Variants in CTNNA3 observed in about 807,000 individuals in gnomAD.
The protein encoded by CTNNA3 is catenin alpha-3.
CTNNA3 carries 76 observed loss-of-function variants against 95.7 expected under a neutral mutation model. The observed-to-expected ratio is 0.79, with a 90% CI of 0.66 to 0.96. CTNNA3 has a LOEUF of 0.96. Among genes scored for constraint, CTNNA3 ranks in the 40% least tolerant of loss-of-function variants. CTNNA3 has a pLI of 0.00. For missense variants in CTNNA3, 1,191 were observed against 1,089.8 expected (o/e 1.09, Z -1.31); for synonymous variants, 431 against 374.4 (o/e 1.15, Z -1.74).
rs572950888 is a variant in CTNNA3 at position 67,704,575 on chromosome 10, T to C, written c.-1-57061A>G. 7.2e-5 allele frequency among the ~76,000 whole-genome samples: 11 copies of C among 152,362 alleles called. No homozygotes were observed. The East Asian group carries it at 1.2e-3, about 16-fold the overall frequency. On this transcript the variant is annotated intron_variant, in intron 1 of 17. Coordinates refer to the CTNNA3 transcript ENST00000684154. ...GTGCTGGGAAAACTGGCTAGCCATTTGTAGAAAGCTGAAACTGGATCCCTT... is the reference window on the plus strand; with the variant it reads ...GTGCTGGGAAAACTGGCTAGCCATTCGTAGAAAGCTGAAACTGGATCCCTT...
intron 12 of CTNNA3, among the ~76,000 whole-genome samples, chr10:66,335,513 T>A (rs903519708): frequency 1.3e-5 from 2 of 152,116 alleles, no homozygotes; most frequent in African/African-American, 2.4e-5. Flanking sequence ...CCTCTTTGCC[T>A]GGGTATCAGC....
At chr10:66,742,333 T>A (rs1331465236) in intron 9 of CTNNA3, among the ~76,000 whole-genome samples, 2 of 152,154 alleles carry the variant, frequency 1.3e-5, no homozygotes, top group African/African-American at 4.8e-5. Flanking sequence ...AGACCAGTTG[T>A]CTGCTCTCAA....
intron 11 of CTNNA3, among the ~76,000 whole-genome samples, chr10:66,463,035 T>C (rs1289091573): frequency 6.6e-6 from 1 of 152,204 alleles, no homozygotes; most frequent in Admixed American, 6.5e-5. Flanking sequence ...CAAAATTCTT[T>C]TAGCTTCCAT....
intron 10 of CTNNA3, among the ~76,000 whole-genome samples, chr10:66,611,666 T>A (rs1413289535): frequency 6.6e-6 from 1 of 152,134 alleles, no homozygotes; most frequent in Non-Finnish European, 1.5e-5. Flanking sequence ...ATTTCCAAAT[T>A]GTCAGTACTC....
intron 13 of CTNNA3, among the ~76,000 whole-genome samples, chr10:66,232,571 T>A (rs144977846): frequency 9.9e-5 from 15 of 152,028 alleles, no homozygotes; most frequent in Non-Finnish European, 2.1e-4. Context: ...TAAAAAATAA[T>A]TTTAAAATTT....
chr10:67,077,246 T>C (rs1856791187), intron 7 of CTNNA3, among the ~76,000 whole-genome samples: 1 of 152,152 alleles, frequency 6.6e-6, no homozygotes, highest in Non-Finnish European at 1.5e-5. Context: ...TTGTCCCTCC[T>C]CTCCAGAATG....
chr10:67,344,290 G>A (rs762587876), intron 5 of CTNNA3, among the ~76,000 whole-genome samples: 6 of 151,846 alleles, frequency 4.0e-5, no homozygotes, highest in Non-Finnish European at 8.8e-5. Context: ...ATATTGGCCT[G>A]TAGTTTTCTT....
intron 7 of CTNNA3, among the ~76,000 whole-genome samples, chr10:66,932,626 A>T (rs569082687): frequency 6.6e-5 from 10 of 152,164 alleles, no homozygotes. Context: ...TTTGAATGAC[A>T]CAAGTTTTAA....
chr10:66,073,028 A>G (rs1171522784), intron 14 of CTNNA3, among the ~76,000 whole-genome samples: 1 of 152,110 alleles, frequency 6.6e-6, no homozygotes, highest in African/African-American at 2.4e-5. Flanking sequence ...CCAGACACTG[A>G]ATGATGAGTA....
At chr10:67,616,067 C>T (rs1404249756) in intron 2 of CTNNA3, among the ~76,000 whole-genome samples, 1 of 152,028 alleles carries the variant, frequency 6.6e-6, no homozygotes, top group Non-Finnish European at 1.5e-5. Flanking sequence ...GAAAGCATCT[C>T]TGATTAAGTA....
At chr10:66,027,455 G>A (rs1199202299) in intron 15 of CTNNA3, among the ~76,000 whole-genome samples, 1 of 152,042 alleles carries the variant, frequency 6.6e-6, no homozygotes. Flanking sequence ...CTCACCCTAT[G>A]TGCTCCCATG....
At chr10:66,200,122 T>A (rs771057095) in intron 13 of CTNNA3, among the ~76,000 whole-genome samples, 1 of 149,918 alleles carries the variant, frequency 6.7e-6, no homozygotes, top group Non-Finnish European at 1.5e-5. Context: ...CACGCACACA[T>A]ACACACACAC....
chr10:67,260,420 T>C (rs1458191699), intron 5 of CTNNA3, among the ~76,000 whole-genome samples: 2 of 152,178 alleles, frequency 1.3e-5, no homozygotes, highest in Non-Finnish European at 2.9e-5. Flanking sequence ...AAATATAAAA[T>C]AGTTTCTCCA....
chr10:66,156,624 G>C (rs1356385174), intron 13 of CTNNA3, among the ~76,000 whole-genome samples: 1 of 148,050 alleles, frequency 6.8e-6, no homozygotes, highest in Non-Finnish European at 1.5e-5. Flanking sequence ...GAAAATGAAG[G>C]AAAAAAAAAC....
intron 7 of CTNNA3, among the ~76,000 whole-genome samples, chr10:67,057,042 T>C (rs1273270280): frequency 6.6e-6 from 1 of 152,230 alleles, no homozygotes; most frequent in Non-Finnish European, 1.5e-5. Flanking sequence ...TCAGCAATTC[T>C]GCCTCCTCTT....
At position 66,593,324 on chromosome 10, in the gene CTNNA3, A is replaced by G. The variant is rs149140759; in HGVS notation, c.1374+28368T>C. Reference sequence around the variant, plus strand: ...TGGCCAGTTTCAAGTCACTGGTGACATAGAGTTGTGAATAAAAGTGCACAT... The same window carrying G: ...TGGCCAGTTTCAAGTCACTGGTGACGTAGAGTTGTGAATAAAAGTGCACAT... On this transcript the variant is annotated intron_variant, in intron 10 of 17. Coordinates refer to ENST00000433211, the MANE Select transcript of CTNNA3 (RefSeq NM_013266.4). Among the ~76,000 whole-genome samples the G allele has an allele frequency of 7.7e-3, 1,170 of 152,232 alleles. 25 individuals are homozygous for G. The highest frequency in any genetic ancestry group is 0.027 in the African/African-American group (1,111 of 41,552).
At chr10:66,960,726 G>A (rs896882741) in intron 7 of CTNNA3, among the ~76,000 whole-genome samples, 1 of 152,076 alleles carries the variant, frequency 6.6e-6, no homozygotes, top group African/African-American at 2.4e-5. Context: ...TTTTAAGGGG[G>A]AAATACAGAA....
At chr10:67,017,196 A>C (rs563160948) in intron 7 of CTNNA3, among the ~76,000 whole-genome samples, 2 of 152,214 alleles carry the variant, frequency 1.3e-5, no homozygotes, top group Admixed American at 6.5e-5. Flanking sequence ...AAGTGTTTTC[A>C]GGTCCATTTA....
intron 7 of CTNNA3, among the ~76,000 whole-genome samples, chr10:67,123,519 C>T (rs1404735242): frequency 3.3e-5 from 5 of 152,100 alleles, no homozygotes; most frequent in Admixed American, 2.0e-4. Context: ...TACTTTAAAT[C>T]ATTAACAGCC....
Sources: gnomAD v4.1 joint callset for allele counts (sites outside exome capture counted in the v4.1 genomes callset) on GRCh38, gnomAD v4.1.1 for gene constraint, MANE v1.5 for transcripts, NCBI Gene and HGNC (gene_info 2026-07-23, HGNC 2026-07-21) for gene names.